PPP2CA: variants seen among roughly 807,000 people sequenced by gnomAD.
PPP2CA encodes the protein serine/threonine-protein phosphatase 2A catalytic subunit alpha isoform.
Under a neutral mutation model 38.8 loss-of-function variants are expected in PPP2CA, and 5 were observed. The observed-to-expected ratio is 0.13, with a 90% CI of 0.07 to 0.27. PPP2CA has a LOEUF of 0.27. Among genes scored for constraint, PPP2CA ranks in the 10% least tolerant of loss-of-function variants. PPP2CA has a pLI of 1.00. For missense variants in PPP2CA, 88 were observed against 389.7 expected, an observed-to-expected ratio of 0.23 and a Z score of 6.52; for synonymous variants, 152 against 134.0, an observed-to-expected ratio of 1.13 and a Z score of -0.93.
intron 2 of PPP2CA, among the ~76,000 whole-genome samples, chr5:134,203,760 C>T (rs946062281): frequency 7.9e-5 from 12 of 152,176 alleles, no homozygotes; most frequent in African/African-American, 2.7e-4. Context: ...CTCACTCTGT[C>T]GCCCAGGCTC....
At chr5:134,200,646 C>A (rs902653572) in intron 4 of PPP2CA, 150 bp from the exon 5 acceptor site, 1 of 879,788 alleles carries the variant, frequency 1.1e-6, no homozygotes, top group African/African-American at 1.7e-5. Context: ...AGTCAAACAT[C>A]TGCATCAAAT....
chr5:134,212,067 G>A (rs576249763), intron 1 of PPP2CA, among the ~76,000 whole-genome samples: 44 of 152,120 alleles, frequency 2.9e-4, no homozygotes, highest in South Asian at 6.2e-4. Flanking sequence ...TGCAGTGAGC[G>A]GAGACCGCAC....
intron 1 of PPP2CA, among the ~76,000 whole-genome samples, chr5:134,214,317 C>G (rs1762273526): frequency 6.6e-6 from 1 of 152,180 alleles, no homozygotes; most frequent in South Asian, 2.1e-4. Flanking sequence ...AAGTTTCATA[C>G]TAACTCGTTT....
At chr5:134,218,539 A>G (rs1017743049) in intron 1 of PPP2CA, among the ~76,000 whole-genome samples, 6 of 152,230 alleles carry the variant, frequency 3.9e-5, no homozygotes, top group Admixed American at 2.0e-4. Context: ...CACAACTGAG[A>G]AATGCTGCTA....
In PPP2CA at chr5:134,200,895, T is replaced by C. The variant is rs915527696; in HGVS notation, c.576+90A>G. ...CACCTCAAGTTGTTTTTGAGAATTATATGAGAGAATACATCTAATGAACTT... is the reference window on the plus strand; with the variant it reads ...CACCTCAAGTTGTTTTTGAGAATTACATGAGAGAATACATCTAATGAACTT... On this transcript the variant is annotated intron_variant, in intron 4 of 6. Coordinates refer to ENST00000481195, the MANE Select transcript of PPP2CA (RefSeq NM_002715.4). The C allele has an allele frequency of 3.7e-6, 4 of 1,078,924 alleles. No individual in the cohort carries two copies. The South Asian group carries it at 5.4e-5, about 15-fold the overall frequency. The allele number at this position is 1,078,924 out of a possible 1,614,324, so 66.8% of individuals were successfully genotyped here. A position where few individuals can be genotyped will look rare whatever the true frequency, so the allele number is the denominator to read the frequency against.
At chr5:134,220,456 CAA>C (rs10649430) in intron 1 of PPP2CA, among the ~76,000 whole-genome samples, 10 of 54,054 alleles carry the variant, frequency 1.8e-4, no homozygotes, top group Admixed American at 2.9e-4. Flanking sequence ...GACTCTATCT[CAA>C]AAAAAAAAAA....
At chr5:134,202,713 G>A (rs1761994198) in intron 2 of PPP2CA, among the ~76,000 whole-genome samples, 1 of 152,166 alleles carries the variant, frequency 6.6e-6, no homozygotes. Context: ...TTTTTCTGTG[G>A]ACATATGCTT....
chr5:134,204,629 T>C (rs910560144), intron 2 of PPP2CA, among the ~76,000 whole-genome samples: 1 of 152,036 alleles, frequency 6.6e-6, no homozygotes, highest in African/African-American at 2.4e-5. Flanking sequence ...CCTGGCTATT[T>C]TTTTTAACTT....
Position 134,199,031 on chromosome 5 carries a change from AC to A in PPP2CA, c.857+54del, listed in dbSNP as rs1039149751. Reference sequence around the variant, plus strand: ...ACACCCTCTCTCTCAAAATAAATAAACCAAAACCCTACATATTCAGTAATGC... The same window carrying A: ...ACACCCTCTCTCTCAAAATAAATAAACAAAACCCTACATATTCAGTAATGC... On this transcript the variant is annotated intron_variant, in intron 6 of 6. Transcript: ENST00000481195. 49 of 1,408,526 alleles carry A rather than the reference AC, an allele frequency of 3.5e-5. No individual in the cohort carries two copies. The African/African-American group carries it at 6.1e-4, about 17-fold the overall frequency. The allele number at this position is 1,408,526 out of a possible 1,614,324, so 87.3% of individuals were successfully genotyped here. A position where few individuals can be genotyped will look rare whatever the true frequency, so the allele number is the denominator to read the frequency against.
intron 1 of PPP2CA, among the ~76,000 whole-genome samples, chr5:134,218,965 C>T (rs1211555307): frequency 6.6e-5 from 10 of 151,988 alleles, no homozygotes; most frequent in Admixed American, 5.9e-4. Context: ...CACTGTGCCC[C>T]GCCAGCCTAG....
chr5:134,197,915 T>C lies in PPP2CA; in HGVS notation c.858-71A>G, dbSNP rs575993317. 1,673 of 1,318,130 alleles carry C rather than the reference T, an allele frequency of 1.3e-3. 1 individual carries two copies. Among genetic ancestry groups the C allele is most frequent in the Non-Finnish European group, 1.7e-3 (1,558 of 915,100 alleles). The allele number at this position is 1,318,130 out of a possible 1,614,324, so 81.7% of individuals were successfully genotyped here. A position where few individuals can be genotyped will look rare whatever the true frequency, so the allele number is the denominator to read the frequency against. ...GTAGTGACAATCAAGATCAAGAACA[T>C]GAGTCTTCCAAACTTTACACTTCCT... On this transcript the variant is annotated intron_variant, in intron 6 of 6. Transcript: ENST00000481195.
chr5:134,218,306 G>A (rs1048337952), intron 1 of PPP2CA, among the ~76,000 whole-genome samples: 1 of 152,072 alleles, frequency 6.6e-6, no homozygotes, highest in Non-Finnish European at 1.5e-5. Context: ...TGGGAATGAG[G>A]GATAATTCTA....
chr5:134,200,736 C>A (rs529247478), intron 4 of PPP2CA, among the ~76,000 whole-genome samples: 1 of 152,190 alleles, frequency 6.6e-6, no homozygotes, highest in African/African-American at 2.4e-5. Context: ...AATTAATCTG[C>A]CTATATTATG....
intron 1 of PPP2CA, chr5:134,225,392 G>A (rs1453347960): frequency 9.6e-6 from 2 of 208,076 alleles, no homozygotes; most frequent in African/African-American, 2.4e-5. Context: ...TCAGCCCACC[G>A]GAGAGGCCCA....
intron 3 of PPP2CA, 115 bp downstream of exon 3, chr5:134,201,733 T>C: frequency 8.8e-7 from 1 of 1,137,436 alleles, no homozygotes; most frequent in Non-Finnish European, 1.2e-6. Flanking sequence ...GCTATCAATA[T>C]CTATTAAAAA....
chr5:134,220,646 C>T (rs1762421865), intron 1 of PPP2CA, among the ~76,000 whole-genome samples: 1 of 152,014 alleles, frequency 6.6e-6, no homozygotes, highest in Admixed American at 6.6e-5. Flanking sequence ...ATAGCTTTGC[C>T]TCTCTCCTCA....
At position 134,196,373 on chromosome 5, in the gene PPP2CA, T is replaced by A. The variant is rs1294092299; in HGVS notation, c.*1399A>T. 2.0e-5 allele frequency: 3 copies of A among 152,214 alleles called. No homozygotes were observed. The highest frequency in any genetic ancestry group is 4.4e-5 in the Non-Finnish European group (3 of 68,034). 9.4% of individuals were successfully genotyped at this position (152,214 alleles called of 1,614,324 possible). ...TAGTTCCCACAGAAGAACTTTTTTT[T>A]AAACATCTAATCCTATTCGAAGGAT... On this transcript the variant is annotated 3_prime_UTR_variant, in exon 7 of 7. Transcript: ENST00000481195.
At chr5:134,225,605 G>A (rs538663632) in intron 1 of PPP2CA, 155 bp downstream of exon 1, 2 of 591,408 alleles carry the variant, frequency 3.4e-6, no homozygotes, top group African/African-American at 2.0e-5. Flanking sequence ...GCGCCGGGTC[G>A]TTAGGAAGCC....
Position 134,226,064 on chromosome 5 carries a change from G to C in PPP2CA, c.-203C>G, listed in dbSNP as rs565642490. The stretch of plus-strand genomic sequence containing the variant: ...TCCGCTCGCTGAGGCTCCAGAGCTC[G>C]GCTCTCTGTAATGGCGGCCGCCGGG... On this transcript the variant is annotated 5_prime_UTR_variant, in exon 1 of 7. Transcript: ENST00000481195. 6.0e-6 allele frequency: 3 copies of C among 499,186 alleles called. No individual in the cohort carries two copies. Among genetic ancestry groups the C allele is most frequent in the Non-Finnish European group, 7.1e-6 (2 of 282,300 alleles). 30.9% of individuals were successfully genotyped at this position (499,186 alleles called of 1,614,324 possible). A position where few individuals can be genotyped will look rare whatever the true frequency, so the allele number is the denominator to read the frequency against.
Sources: allele counts gnomAD v4.1 joint callset (sites outside exome capture counted in the v4.1 genomes callset), GRCh38; gene constraint gnomAD v4.1.1; transcripts MANE v1.5; gene names NCBI Gene and HGNC (gene_info 2026-07-23, HGNC 2026-07-21).